SHISA5: variants seen among roughly 807,000 people sequenced by gnomAD.
SHISA5 encodes protein shisa-5.
A neutral mutation model predicts 27.5 loss-of-function variants in SHISA5; 21 were observed. That is an observed-to-expected ratio of 0.76 (90% confidence interval 0.54 to 1.10). The LOEUF (loss-of-function observed/expected upper bound fraction) is 1.10, where lower values mean the gene tolerates loss of function less well. SHISA5 is among the 50% of genes least tolerant of loss of function. SHISA5 has a pLI of 0.00. For missense variants in SHISA5, 314 were observed against 336.3 expected (o/e 0.93, Z 0.52); for synonymous variants, 137 against 142.2 (o/e 0.96, Z 0.26).
rs758342172 is a variant in SHISA5, at chr3:48,469,593, C to T, written c.431-20G>A. On this transcript the variant is annotated intron_variant, in intron 4 of 5. Transcript: ENST00000296444. This position sits in a 1 kb window ranked among gnomAD's most constrained non-coding sequence, Gnocchi z 4.6. The stretch of plus-strand genomic sequence containing the variant: ...CAACCGCTGCAAAGAGAATTCCAGT[C>T]AGGACCCTCCTCCATCTCCCCAGGT... 6.3e-7 allele frequency: 1 copy of T among 1,597,434 alleles called. No homozygotes were observed. The highest frequency in any genetic ancestry group is 1.3e-5 in the African/African-American group (1 of 74,820).
rs1361837898 is a variant in SHISA5 at position 48,470,131 on chromosome 3, C to T, written c.315-288G>A. On this transcript the variant is annotated intron_variant, in intron 3 of 5. Transcript: ENST00000296444. This position sits in a 1 kb window ranked among gnomAD's most constrained non-coding sequence, Gnocchi z 4.3. ...TGCCACACACATACATCTATCTTGT[C>T]CACCTCACAACCAACTGATCAGCAG... 1.3e-5 allele frequency among the ~76,000 whole-genome samples: 2 copies of T among 152,206 alleles called. No individual in the cohort carries two copies. The highest frequency in any genetic ancestry group is 4.8e-5 in the African/African-American group (2 of 41,440).
rs555063820 is a variant in SHISA5 at position 48,477,938 on chromosome 3, C to T, written c.314+1239G>A. ...CTCCTACAGAAACGACTTCCCACCTCCCACACCCACCCCATCTGCTCTTTC... is the reference window on the plus strand; with the variant it reads ...CTCCTACAGAAACGACTTCCCACCTTCCACACCCACCCCATCTGCTCTTTC... On this transcript the variant is annotated intron_variant, in intron 3 of 5. Coordinates refer to ENST00000296444, the MANE Select transcript of SHISA5 (RefSeq NM_016479.6). Among the ~76,000 whole-genome samples the T allele has an allele frequency of 2.6e-5, 4 of 152,352 alleles. No homozygotes were observed. In the East Asian group the frequency reaches 7.7e-4, roughly 29 times the overall value.
intron 2 of SHISA5, among the ~76,000 whole-genome samples, chr3:48,481,862 T>G (rs2041030834): frequency 1.3e-5 from 2 of 150,714 alleles, no homozygotes; most frequent in South Asian, 4.2e-4. Context: ...GGTCAGGAGA[T>G]CGAGACCATC....
chr3:48,468,645 G>A lies in SHISA5; in HGVS notation c.*462C>T. On this transcript the variant is annotated 3_prime_UTR_variant, in exon 6 of 6. Coordinates refer to ENST00000296444, the MANE Select transcript of SHISA5 (RefSeq NM_016479.6). ...CCCCCAACTCCGGGGACGAGCCATG[G>A]CCTCAAGCAGCAGCTGGCTACGCTG... 8.3e-7 allele frequency: 1 copy of A among 1,205,802 alleles called. No individual in the cohort carries two copies. Among genetic ancestry groups the A allele is most frequent in the South Asian group, 1.5e-5 (1 of 65,902 alleles). 74.7% of individuals were successfully genotyped at this position (1,205,802 alleles called of 1,614,324 possible). A position where few individuals can be genotyped will look rare whatever the true frequency, so the allele number is the denominator to read the frequency against.
chr3:48,502,952 T>C, intron 1 of SHISA5: 1 of 435,174 alleles, frequency 2.3e-6, no homozygotes, highest in South Asian at 1.8e-5. Context: ...AGACACCAAG[T>C]GACCTCCTTG....
At chr3:48,487,707 C>T (rs2041292861) in intron 2 of SHISA5, among the ~76,000 whole-genome samples, 1 of 152,094 alleles carries the variant, frequency 6.6e-6, no homozygotes, top group African/African-American at 2.4e-5. Context: ...CCAGCCTGGC[C>T]AACATAGCAA....
chr3:48,474,941 C>A (rs1471290673), intron 3 of SHISA5, among the ~76,000 whole-genome samples: 1 of 152,160 alleles, frequency 6.6e-6, no homozygotes, highest in African/African-American at 2.4e-5. Flanking sequence ...TCAGCACATG[C>A]CCGCACGGAA....
Position 48,473,478 on chromosome 3 carries a change from T to C in SHISA5, c.315-3635A>G. ...TCCAGGAGGAGCTTCTGCATCCATC[T>C]AGGCCCAGAGGGCGACCCTGGGGCC... is the stretch of plus-strand genomic sequence containing the variant. On this transcript the variant is annotated intron_variant, in intron 3 of 5. Transcript: ENST00000296444. This position sits in a 1 kb window ranked among gnomAD's most constrained non-coding sequence, Gnocchi z 4.3. 7.7e-7 allele frequency: 1 copy of C among 1,292,258 alleles called. No individual in the cohort carries two copies. Among genetic ancestry groups the C allele is most frequent in the Non-Finnish European group, 1.0e-6 (1 of 990,822 alleles). The allele number at this position is 1,292,258 out of a possible 1,614,324, so 80.0% of individuals were successfully genotyped here.
At chr3:48,503,946 C>A in intron 1 of SHISA5, 73 bp downstream of exon 1, 1 of 1,410,404 alleles carries the variant, frequency 7.1e-7, no homozygotes, top group South Asian at 1.4e-5. Flanking sequence ...CTGCCCGGCT[C>A]GTTGGAGAGG....
At chr3:48,492,199 G>A (rs373246894) in intron 2 of SHISA5, among the ~76,000 whole-genome samples, 47 of 145,834 alleles carry the variant, frequency 3.2e-4, no homozygotes, top group African/African-American at 1.0e-3. Flanking sequence ...GGCCAGGCGC[G>A]GTGGCTCACG....
intron 2 of SHISA5, among the ~76,000 whole-genome samples, chr3:48,486,675 C>T (rs1235183031): frequency 3.5e-5 from 5 of 141,858 alleles, no homozygotes; most frequent in Non-Finnish European, 7.5e-5. Context: ...GGTGGATCAC[C>T]TGAGGTCAGG....
intron 1 of SHISA5, chr3:48,503,230 C>T (rs1183241018): frequency 8.0e-7 from 1 of 1,247,014 alleles, no homozygotes; most frequent in African/African-American, 1.5e-5. Flanking sequence ...AGGCTGAGTC[C>T]ATGGCACAAA....
rs752579755 is a variant in SHISA5, at chr3:48,468,989, C to T, written c.*118G>A. The T allele has an allele frequency of 3.4e-5, 54 of 1,574,216 alleles. No individual in the cohort carries two copies. The African/African-American group carries it at 4.7e-4, about 14-fold the overall frequency. On this transcript the variant is annotated 3_prime_UTR_variant, in exon 6 of 6. Transcript: ENST00000296444. ...CAGGACACACACAGCACACATGGGG[C>T]GTAAGGAACCGTGCCTGGACACACA...
chr3:48,468,107 T>A lies in SHISA5; in HGVS notation c.*1000A>T. The A allele has an allele frequency of 1.0e-6, 1 of 979,288 alleles. No homozygotes were observed. Among genetic ancestry groups the A allele is most frequent in the Non-Finnish European group, 1.2e-6 (1 of 816,534 alleles). The allele number at this position is 979,288 out of a possible 1,614,324, so 60.7% of individuals were successfully genotyped here. ...ACACCGTGGACTGGGGTACAGGAGT[T>A]GTTGCATATTCCATGAGGCTGGTGT... On this transcript the variant is annotated 3_prime_UTR_variant, in exon 6 of 6. Coordinates refer to ENST00000296444, the MANE Select transcript of SHISA5 (RefSeq NM_016479.6).
chr3:48,488,528 A>G (rs2041321226), intron 2 of SHISA5, among the ~76,000 whole-genome samples: 1 of 140,218 alleles, frequency 7.1e-6, no homozygotes, highest in South Asian at 2.6e-4. Context: ...CACCCAGCCA[A>G]CTGCTTATAG....
intron 2 of SHISA5, among the ~76,000 whole-genome samples, chr3:48,489,366 A>G (rs1444241014): frequency 6.6e-6 from 1 of 151,890 alleles, no homozygotes; most frequent in African/African-American, 2.4e-5. Context: ...CTGTCACCCA[A>G]GCTGGAGTGC....
rs1435223864 is a variant in SHISA5 at position 48,495,834 on chromosome 3, T to C, written c.233+5303A>G. Among the ~76,000 whole-genome samples, 2 of 147,082 alleles carry C rather than the reference T, an allele frequency of 1.4e-5. 1 individual carries two copies. The highest frequency in any genetic ancestry group is 5.4e-5 in the African/African-American group (2 of 37,120). On this transcript the variant is annotated intron_variant, in intron 2 of 5. Transcript: ENST00000296444. ...CCACACCCAAACAGTTTTCCACATT[T>C]ATGTATCAATAAACAATTAGAAAAT...
In SHISA5 at chr3:48,499,241, C is replaced by A. The variant is rs189393786; in HGVS notation, c.233+1896G>T. 6.0e-3 allele frequency among the ~76,000 whole-genome samples: 917 copies of A among 152,178 alleles called. 4 individuals carry two copies. The highest frequency in any genetic ancestry group is 8.7e-3 in the Non-Finnish European group (594 of 68,012). On this transcript the variant is annotated intron_variant, in intron 2 of 5. Transcript: ENST00000296444. ...CAGGCTGGAGTGCAGTGGCACCAAT[C>A]ACGACTTACTGCAGTCTCAACCTGC...
At chr3:48,489,063 A>G (rs1201624542) in intron 2 of SHISA5, among the ~76,000 whole-genome samples, 1 of 152,108 alleles carries the variant, frequency 6.6e-6, no homozygotes, top group African/African-American at 2.4e-5. Context: ...AGGCTGTCGG[A>G]CATCTAAGAT....
Sources: gnomAD v4.1 joint callset for allele counts (sites outside exome capture counted in the v4.1 genomes callset) on GRCh38, gnomAD v4.1.1 for gene constraint, Gnocchi (gnomAD v3.1) non-coding constraint, MANE v1.5 for transcripts, NCBI Gene and HGNC (gene_info 2026-07-23, HGNC 2026-07-21) for gene names.